The following SORCS1 variants were observed in gnomAD, a reference collection of about 807,000 sequenced individuals.
The protein encoded by SORCS1 is sortilin related VPS10 domain containing receptor 1.
SORCS1 carries 60 observed loss-of-function variants against 146.1 expected under a neutral mutation model. The observed-to-expected ratio is 0.41, with a 90% confidence interval of 0.33 to 0.51. The LOEUF (loss-of-function observed/expected upper bound fraction) is 0.51, where lower values mean the gene tolerates loss of function less well. SORCS1 is among the 20% of genes least tolerant of loss of function. SORCS1 has a pLI of 0.21. For missense variants in SORCS1, 1,352 were observed against 1,487.6 expected, an observed-to-expected ratio of 0.91 and a Z score of 1.50; for synonymous variants, 637 against 584.0, an observed-to-expected ratio of 1.09 and a Z score of -1.31.
chr10:106,683,336 A>G (rs1852585050), intron 10 of SORCS1, among the ~76,000 whole-genome samples: 1 of 151,930 alleles, frequency 6.6e-6, no homozygotes, highest in Admixed American at 6.6e-5. Context: ...ATATCTCCCT[A>G]TTTCCCCCAA....
At chr10:106,898,460 C>A (rs370599266) in intron 2 of SORCS1, among the ~76,000 whole-genome samples, 9 of 152,206 alleles carry the variant, frequency 5.9e-5, no homozygotes, top group African/African-American at 2.2e-4. Flanking sequence ...TAATCTTCTT[C>A]CTCTGTTTAC....
At chr10:107,146,910 C>A (rs1044673372) in intron 1 of SORCS1, among the ~76,000 whole-genome samples, 3 of 152,084 alleles carry the variant, frequency 2.0e-5, no homozygotes, top group Non-Finnish European at 4.4e-5. Context: ...TCATGTCTAG[C>A]GAATAATAAC....
intron 2 of SORCS1, among the ~76,000 whole-genome samples, chr10:106,875,852 G>C (rs1030760257): frequency 9.2e-5 from 14 of 152,086 alleles, no homozygotes; most frequent in African/African-American, 3.4e-4. Flanking sequence ...ATAAAATACA[G>C]AGTGACAGAA....
At chr10:106,680,970 C>T (rs1852394180) in intron 10 of SORCS1, among the ~76,000 whole-genome samples, 1 of 152,156 alleles carries the variant, frequency 6.6e-6, no homozygotes, top group African/African-American at 2.4e-5. Context: ...GGGATATTTT[C>T]TTTACTGCCA....
intron 2 of SORCS1, among the ~76,000 whole-genome samples, chr10:106,881,562 A>T (rs1010747895): frequency 2.0e-5 from 3 of 152,244 alleles, no homozygotes; most frequent in Non-Finnish European, 4.4e-5. Context: ...TTCCAGTAAC[A>T]TCATTTATAC....
intron 24 of SORCS1, among the ~76,000 whole-genome samples, chr10:106,590,097 G>A (rs1157040471): frequency 6.6e-6 from 1 of 151,934 alleles, no homozygotes; most frequent in Non-Finnish European, 1.5e-5. Flanking sequence ...ATATCTAGAA[G>A]CCCCAATCCA....
chr10:106,919,570 C>T (rs918232789), intron 2 of SORCS1, among the ~76,000 whole-genome samples: 9 of 152,084 alleles, frequency 5.9e-5, no homozygotes, highest in African/African-American at 1.9e-4. Context: ...GTGTGTAACC[C>T]GCAATACCAT....
intron 2 of SORCS1, among the ~76,000 whole-genome samples, chr10:106,870,586 G>A (rs1280756275): frequency 6.6e-6 from 1 of 152,138 alleles, no homozygotes; most frequent in East Asian, 1.9e-4. Context: ...AAACAATAGG[G>A]AAAAGACTTT....
intron 2 of SORCS1, among the ~76,000 whole-genome samples, chr10:106,928,589 G>A (rs1464089906): frequency 6.6e-6 from 1 of 152,250 alleles, no homozygotes; most frequent in Non-Finnish European, 1.5e-5. Flanking sequence ...GCCAAAGTGG[G>A]AGCCCAGGCA....
chr10:107,156,667 A>C (rs961396361), intron 1 of SORCS1, among the ~76,000 whole-genome samples: 1 of 152,228 alleles, frequency 6.6e-6, no homozygotes, highest in South Asian at 2.1e-4. Flanking sequence ...CATTAGCATC[A>C]ACAGGCAGTC....
chr10:106,579,909 T>C (rs1342472815), intron 24 of SORCS1, among the ~76,000 whole-genome samples: 1 of 152,086 alleles, frequency 6.6e-6, no homozygotes, highest in Non-Finnish European at 1.5e-5. Context: ...TTAGATTTCA[T>C]TTCTACTGCT....
At chr10:107,143,134 G>A (rs1472973196) in intron 1 of SORCS1, among the ~76,000 whole-genome samples, 1 of 152,130 alleles carries the variant, frequency 6.6e-6, no homozygotes, top group Non-Finnish European at 1.5e-5. Context: ...TCCATGGTCA[G>A]GCACTCACAC....
At chr10:106,888,752 C>T (rs769827131) in intron 2 of SORCS1, among the ~76,000 whole-genome samples, 1 of 152,148 alleles carries the variant, frequency 6.6e-6, no homozygotes, top group Non-Finnish European at 1.5e-5. Context: ...CAGTGCAAAG[C>T]ATGAAATGGT....
rs55880802 is a variant in SORCS1 at position 106,922,891 on chromosome 10, C to CT, written c.626+33621dup. ...ACCCATGACAACCATGCAGCCTTTT[C>CT]TTTTTTTTTTTTTTTTGACATGGAG... On this transcript the variant is annotated intron_variant, in intron 2 of 25. Coordinates refer to ENST00000263054, the MANE Select transcript of SORCS1 (RefSeq NM_052918.5). Among the ~76,000 whole-genome samples the CT allele has an allele frequency of 3.2e-3, 361 of 112,436 alleles. 4 individuals are homozygous for CT. Among genetic ancestry groups the CT allele is most frequent in the African/African-American group, 0.011 (334 of 31,284 alleles). 73.8% of individuals were successfully genotyped at this position (112,436 alleles called of 152,430 possible).
chr10:107,139,808 C>T (rs961107966), intron 1 of SORCS1, among the ~76,000 whole-genome samples: 3 of 152,188 alleles, frequency 2.0e-5, no homozygotes, highest in African/African-American at 7.2e-5. Flanking sequence ...TGGCTAATAA[C>T]TGGATCATAT....
intron 1 of SORCS1, among the ~76,000 whole-genome samples, chr10:107,050,776 T>A (rs996372775): frequency 1.3e-5 from 2 of 152,088 alleles, no homozygotes; most frequent in Non-Finnish European, 2.9e-5. Flanking sequence ...CCTTCTTAAG[T>A]ATATATATGG....
chr10:107,136,424 A>T (rs550819606), intron 1 of SORCS1, among the ~76,000 whole-genome samples: 7 of 152,264 alleles, frequency 4.6e-5, no homozygotes, highest in African/African-American at 1.7e-4. Flanking sequence ...ACAATGCATC[A>T]TGTTCAGATT....
chr10:106,633,023 G>T (rs1207005068), intron 18 of SORCS1, among the ~76,000 whole-genome samples: 4 of 152,046 alleles, frequency 2.6e-5, no homozygotes, highest in Admixed American at 6.6e-5. Flanking sequence ...TAAAAAAGAA[G>T]GAGGAAAAAG....
At chr10:107,038,903 G>A (rs908001455) in intron 1 of SORCS1, among the ~76,000 whole-genome samples, 2 of 151,878 alleles carry the variant, frequency 1.3e-5, no homozygotes, top group East Asian at 3.9e-4. Context: ...AAATGCCAAG[G>A]GATCACCTTT....
Sources: gnomAD v4.1 joint callset for allele counts (sites outside exome capture counted in the v4.1 genomes callset) on GRCh38, gnomAD v4.1.1 for gene constraint, MANE v1.5 for transcripts, NCBI Gene and HGNC (gene_info 2026-07-23, HGNC 2026-07-21) for gene names.